MS4A4A: variants seen among roughly 807,000 people sequenced by gnomAD.
MS4A4A encodes the protein membrane spanning 4-domains A4A.
In MS4A4A, 26 loss-of-function variants were observed where a neutral mutation model predicts 28.0. That is an observed-to-expected ratio of 0.93 (90% confidence interval 0.68 to 1.29). The LOEUF (loss-of-function observed/expected upper bound fraction) is 1.29. Among genes scored for constraint, MS4A4A ranks in the 50% most tolerant of loss-of-function variants. MS4A4A has a pLI of 0.00. For synonymous variants in MS4A4A, 86 were observed against 100.8 expected (o/e 0.85, Z 0.88); for missense variants, 290 against 293.1 (o/e 0.99, Z 0.08).
intron 5 of MS4A4A, among the ~76,000 whole-genome samples, chr11:60,303,820 C>A (rs1358809125): frequency 6.6e-6 from 1 of 152,216 alleles, no homozygotes; most frequent in Non-Finnish European, 1.5e-5. Context: ...TTCCTTACCA[C>A]GTTCTTCGCT....
chr11:60,302,477 G>A, intron 4 of MS4A4A, 82 bp from the exon 5 acceptor site: 2 of 1,341,682 alleles, frequency 1.5e-6, no homozygotes, highest in Non-Finnish European at 2.1e-6. Flanking sequence ...CAGTAAGAAA[G>A]AGATGGTGGG....
intron 5 of MS4A4A, among the ~76,000 whole-genome samples, chr11:60,304,201 C>T (rs1448399260): frequency 3.3e-5 from 5 of 152,092 alleles, no homozygotes; most frequent in Non-Finnish European, 5.9e-5. Context: ...TTTTAGTTTA[C>T]GAAGTTCTCT....
intron 1 of MS4A4A, among the ~76,000 whole-genome samples, chr11:60,287,331 T>G (rs1262883476): frequency 6.6e-6 from 1 of 152,146 alleles, no homozygotes; most frequent in African/African-American, 2.4e-5. Context: ...AAAGTGGAAG[T>G]GAGCGTACAA....
chr11:60,285,509 G>A (rs937872097), intron 1 of MS4A4A, among the ~76,000 whole-genome samples: 1 of 151,844 alleles, frequency 6.6e-6, no homozygotes, highest in Non-Finnish European at 1.5e-5. Flanking sequence ...GGAGGAACCA[G>A]TCCCCAATAT....
intron 1 of MS4A4A, among the ~76,000 whole-genome samples, chr11:60,282,152 G>A (rs2084760341): frequency 2.0e-5 from 3 of 152,174 alleles, no homozygotes. Flanking sequence ...AAGCATAGGA[G>A]TCAGTTACAA....
chr11:60,302,622 AACAC>A lies in MS4A4A; in HGVS notation c.453_456del (p.Thr152LeufsTer29). On this transcript the variant is annotated frameshift_variant, in exon 5 of 7. Transcript: ENST00000337908. LOFTEE classifies it high-confidence loss of function. ...ACTGGCTGCATCAGGGATCTTAATC[AACAC>A]ATTTAGCTTGGCGTTTTATTCATTC... is the stretch of plus-strand genomic sequence containing the variant. The A allele has an allele frequency of 6.2e-7, 1 of 1,614,158 alleles. No homozygotes were observed. Among genetic ancestry groups the A allele is most frequent in the Non-Finnish European group, 8.5e-7 (1 of 1,180,008 alleles).
intron 1 of MS4A4A, among the ~76,000 whole-genome samples, chr11:60,289,624 TTGA>T (rs2084835963): frequency 6.7e-6 from 1 of 148,296 alleles, no homozygotes; most frequent in African/African-American, 2.5e-5. Context: ...TGTGTGTGTG[TTGA>T]TGATGATGAG....
rs530131156 is a variant in MS4A4A, at chr11:60,293,089, G to A, written c.201+705G>A. On this transcript the variant is annotated intron_variant, in intron 2 of 6. Transcript: ENST00000337908. The stretch of plus-strand genomic sequence containing the variant: ...ATTTTATTTTTTGAGATGGAGTCTC[G>A]CTCCATCATCCAGGCTGGAGTGCAG... Among the ~76,000 whole-genome samples, 11 of 152,034 alleles carry A rather than the reference G, an allele frequency of 7.2e-5. No homozygotes were observed. In the East Asian group the frequency reaches 1.2e-3, roughly 16 times the overall value.
At chr11:60,298,783 C>T (rs1252144280) in intron 3 of MS4A4A, among the ~76,000 whole-genome samples, 2 of 152,228 alleles carry the variant, frequency 1.3e-5, no homozygotes, top group East Asian at 3.8e-4. Flanking sequence ...CATTTGTCCG[C>T]TGAGACATCA....
chr11:60,302,574 G>A lies in MS4A4A; in HGVS notation c.403G>A (p.Gly135Arg). The A allele has an allele frequency of 6.2e-7, 1 of 1,613,964 alleles. No individual in the cohort carries two copies. The highest frequency in any genetic ancestry group is 8.5e-7 in the Non-Finnish European group (1 of 1,179,982). The change falls in exon 5 of 7, where the codon GGA becomes AGA. Residue 135 changes from glycine (G) to arginine (R), a missense_variant. By Grantham distance (125) the Gly-to-Arg change is moderately radical. Transcript: ENST00000337908. The part of the protein sequence containing the change: ...TTKGLVRGSL[G>R]MNITSSVLAA... ...TCCTTTCTAGGTCCGAGGTAGTCTA[G>A]GAATGAATATCACCAGCTCTGTACT...
chr11:60,286,113 C>T (rs1035626341), intron 1 of MS4A4A, among the ~76,000 whole-genome samples: 5 of 152,182 alleles, frequency 3.3e-5, no homozygotes, highest in African/African-American at 1.2e-4. Flanking sequence ...TACTTGTTTT[C>T]TGCAATAAGA....
At chr11:60,283,784 A>G (rs544709947) in intron 1 of MS4A4A, among the ~76,000 whole-genome samples, 33 of 152,368 alleles carry the variant, frequency 2.2e-4, no homozygotes, top group African/African-American at 7.7e-4. Flanking sequence ...ATTTTATTTT[A>G]GCCATATGCT....
chr11:60,283,830 T>C (rs761003467), intron 1 of MS4A4A, among the ~76,000 whole-genome samples: 2 of 152,250 alleles, frequency 1.3e-5, no homozygotes, highest in African/African-American at 2.4e-5. Context: ...TAGGAAGTGC[T>C]AAAGTGTATA....
intron 1 of MS4A4A, among the ~76,000 whole-genome samples, chr11:60,284,006 G>A (rs1339427716): frequency 6.6e-6 from 1 of 151,938 alleles, no homozygotes. Flanking sequence ...CTACCTTTTA[G>A]CTATTATAGA....
chr11:60,297,269 T>C lies in MS4A4A; in HGVS notation c.274T>C (p.Tyr92His). The C allele has an allele frequency of 6.2e-7, 1 of 1,613,616 alleles. No individual in the cohort carries two copies. The highest frequency in any genetic ancestry group is 8.5e-7 in the Non-Finnish European group (1 of 1,179,598). ...ITMMCMASNT[Y>H]GSNPISVYIG... is the part of the protein sequence containing the mutation. ...AATGATGTGTATGGCATCTAATACT[T>C]ATGGAAGTAACCCTATTTCCGTGTA... Residue 92 changes from tyrosine (Y) to histidine (H), a missense_variant, in exon 3 of 7, where the codon TAT (tyrosine) becomes CAT (histidine). Coordinates refer to ENST00000337908, the MANE Select transcript of MS4A4A (RefSeq NM_148975.3).
chr11:60,293,070 T>TG (rs538343785), intron 2 of MS4A4A, among the ~76,000 whole-genome samples: 12 of 152,292 alleles, frequency 7.9e-5, no homozygotes, highest in East Asian at 7.7e-4. Context: ...TTTAATTTTA[T>TG]TTTTTGAGAT....
At chr11:60,295,638 T>A (rs181291816) in intron 2 of MS4A4A, among the ~76,000 whole-genome samples, 1 of 152,222 alleles carries the variant, frequency 6.6e-6, no homozygotes, top group East Asian at 1.9e-4. Flanking sequence ...ACAAATATTC[T>A]TTATCAACCT....
At chr11:60,300,915 T>C (rs1440027691) in intron 3 of MS4A4A, 86 bp from the exon 4 acceptor site, 21 of 914,896 alleles carry the variant, frequency 2.3e-5, no homozygotes, top group Non-Finnish European at 3.3e-5. Context: ...TTAACATATC[T>C]ATCTAATTTA....
chr11:60,292,084 C>A, intron 1 of MS4A4A, 141 bp from the exon 2 acceptor site: 2 of 1,071,228 alleles, frequency 1.9e-6, no homozygotes, highest in Non-Finnish European at 2.5e-6. Flanking sequence ...GCCTATTCCA[C>A]TTCCCCAGCT....
Sources: gnomAD v4.1 joint callset for allele counts (sites outside exome capture counted in the v4.1 genomes callset) on GRCh38, gnomAD v4.1.1 for gene constraint, MANE v1.5 for transcripts, NCBI Gene and HGNC (gene_info 2026-07-23, HGNC 2026-07-21) for gene names.